The following ZNF804B variants were observed in gnomAD, a reference collection of about 807,000 sequenced individuals.
ZNF804B encodes zinc finger protein 804B.
A neutral mutation model predicts 101.4 loss-of-function variants in ZNF804B; 80 were observed. The ratio of observed to expected loss-of-function variants is 0.79; its 90% confidence interval spans 0.66 to 0.95. The LOEUF is 0.95. ZNF804B is among the 40% of genes least tolerant of loss of function. The pLI, the probability that ZNF804B is intolerant of heterozygous loss-of-function variation, is 0.00. For missense variants in ZNF804B, 1,673 were observed against 1,561.9 expected (o/e 1.07, Z -1.20); for synonymous variants, 622 against 558.8 (o/e 1.11, Z -1.59).
chr7:88,792,334 G>T (rs1420296702), intron 1 of ZNF804B, among the ~76,000 whole-genome samples: 6 of 151,960 alleles, frequency 3.9e-5, no homozygotes, highest in African/African-American at 1.5e-4. Context: ...CATATTTTCT[G>T]ATTTATAAAT....
chr7:88,922,057 A>G (rs1792727447), intron 1 of ZNF804B, among the ~76,000 whole-genome samples: 1 of 152,086 alleles, frequency 6.6e-6, no homozygotes, highest in Non-Finnish European at 1.5e-5. Flanking sequence ...AGGGAGAAAG[A>G]AATGACTCAA....
At chr7:88,824,291 G>A (rs533557426) in intron 1 of ZNF804B, among the ~76,000 whole-genome samples, 19 of 152,096 alleles carry the variant, frequency 1.2e-4, no homozygotes, top group East Asian at 1.2e-3. Flanking sequence ...TCATGGGGGC[G>A]GTTAGCCTCA....
chr7:88,889,105 C>T (rs538548205), intron 1 of ZNF804B, among the ~76,000 whole-genome samples: 2 of 152,242 alleles, frequency 1.3e-5, no homozygotes, highest in South Asian at 4.1e-4. Flanking sequence ...CATGTTGCTG[C>T]AAAGGATATG....
chr7:89,234,264 T>C (rs1223085018), intron 2 of ZNF804B, among the ~76,000 whole-genome samples: 1 of 151,936 alleles, frequency 6.6e-6, no homozygotes, highest in Non-Finnish European at 1.5e-5. Flanking sequence ...ATATTCCCTT[T>C]TCTTTTTTTT....
At chr7:89,215,058 T>C (rs1241349459) in intron 1 of ZNF804B, among the ~76,000 whole-genome samples, 3 of 152,190 alleles carry the variant, frequency 2.0e-5, no homozygotes, top group Admixed American at 6.5e-5. Flanking sequence ...TGTTTTGTGG[T>C]AGAATTTATA....
Position 89,020,242 on chromosome 7 carries a change from A to G in ZNF804B, c.109-197913A>G, listed in dbSNP as rs1029390558. On this transcript the variant is annotated intron_variant, in intron 1 of 3. Coordinates refer to ENST00000333190, the MANE Select transcript of ZNF804B (RefSeq NM_181646.5). ...CTCTTAAGCATTTCTTGTAAGGCCA[A>G]TCTAGTGATGATAAATTCTTTTAGT... 5.3e-5 allele frequency among the ~76,000 whole-genome samples: 8 copies of G among 152,148 alleles called. No homozygotes were observed. In the East Asian group the frequency reaches 1.5e-3, roughly 29 times the overall value.
intron 1 of ZNF804B, among the ~76,000 whole-genome samples, chr7:88,982,259 A>T (rs1302664127): frequency 6.6e-6 from 1 of 151,828 alleles, no homozygotes; most frequent in East Asian, 2.0e-4. Flanking sequence ...ATCTTTAATG[A>T]TATTCTCTTG....
chr7:89,211,649 G>T (rs1208564444), intron 1 of ZNF804B, among the ~76,000 whole-genome samples: 1 of 152,072 alleles, frequency 6.6e-6, no homozygotes, highest in African/African-American at 2.4e-5. Flanking sequence ...AGATCAGATG[G>T]TTGTAGATTT....
At chr7:89,210,177 C>T (rs571781506) in intron 1 of ZNF804B, among the ~76,000 whole-genome samples, 1 of 150,242 alleles carries the variant, frequency 6.7e-6, no homozygotes, top group South Asian at 2.1e-4. Context: ...TCAATCATAA[C>T]TTTGGAGAAA....
chr7:89,067,186 T>G (rs1224381463), intron 1 of ZNF804B, among the ~76,000 whole-genome samples: 1 of 152,094 alleles, frequency 6.6e-6, no homozygotes, highest in African/African-American at 2.4e-5. Flanking sequence ...AATTGGCTTG[T>G]GTAATTGTCT....
chr7:89,077,371 T>C (rs1789630798), intron 1 of ZNF804B, among the ~76,000 whole-genome samples: 1 of 152,114 alleles, frequency 6.6e-6, no homozygotes, highest in Non-Finnish European at 1.5e-5. Flanking sequence ...CAAATGTAGA[T>C]GTTTCTGATA....
chr7:89,082,009 G>A (rs1230961546), intron 1 of ZNF804B, among the ~76,000 whole-genome samples: 1 of 151,560 alleles, frequency 6.6e-6, no homozygotes, highest in African/African-American at 2.4e-5. Context: ...ATTTTTGATA[G>A]GATATGAAGT....
intron 1 of ZNF804B, among the ~76,000 whole-genome samples, chr7:88,884,005 A>T (rs1792082224): frequency 6.6e-6 from 1 of 152,044 alleles, no homozygotes; most frequent in Admixed American, 6.6e-5. Context: ...ATCTCAAGAA[A>T]TCATCTAGTT....
chr7:89,136,943 C>T (rs1455308267), intron 1 of ZNF804B, among the ~76,000 whole-genome samples: 2 of 151,956 alleles, frequency 1.3e-5, no homozygotes, highest in Admixed American at 6.6e-5. Context: ...GGCAGAGCTT[C>T]CCTGCAAAAG....
chr7:89,048,677 G>T (rs1337537849), intron 1 of ZNF804B, among the ~76,000 whole-genome samples: 1 of 151,864 alleles, frequency 6.6e-6, no homozygotes, highest in African/African-American at 2.4e-5. Flanking sequence ...TTGAAACACA[G>T]AAGAAATTAT....
chr7:88,782,615 C>T (rs1397477492), intron 1 of ZNF804B, among the ~76,000 whole-genome samples: 2 of 152,108 alleles, frequency 1.3e-5, no homozygotes, highest in East Asian at 3.9e-4. Context: ...TATTTTGATG[C>T]TTCTTGTAGA....
intron 1 of ZNF804B, among the ~76,000 whole-genome samples, chr7:89,143,083 C>G (rs772952225): frequency 6.6e-6 from 1 of 151,658 alleles, no homozygotes; most frequent in Non-Finnish European, 1.5e-5. Flanking sequence ...AAGATGAAGT[C>G]ATTTGATTGG....
intron 1 of ZNF804B, among the ~76,000 whole-genome samples, chr7:88,832,930 C>T (rs780849134): frequency 2.0e-5 from 3 of 151,926 alleles, no homozygotes; most frequent in Non-Finnish European, 2.9e-5. Flanking sequence ...CCATTTCTTG[C>T]ACTATGAACT....
At chr7:89,265,368 A>G (rs1789777715) in intron 2 of ZNF804B, among the ~76,000 whole-genome samples, 1 of 152,226 alleles carries the variant, frequency 6.6e-6, no homozygotes, top group African/African-American at 2.4e-5. Context: ...ATAAACAGAT[A>G]AGCACAAAAA....
Sources: allele counts gnomAD v4.1 joint callset (sites outside exome capture counted in the v4.1 genomes callset), GRCh38; gene constraint gnomAD v4.1.1; transcripts MANE v1.5; gene names NCBI Gene and HGNC (gene_info 2026-07-23, HGNC 2026-07-21).